The following SLC35D4 variants were observed in gnomAD, a reference collection of about 807,000 sequenced individuals.
SLC35D4 encodes the protein solute carrier family 35 member D4.
chr18:23,392,270 T>TA, the SLC35D4 span, among the ~76,000 whole-genome samples: 1 of 152,194 alleles, frequency 6.6e-6, no homozygotes, highest in Non-Finnish European at 1.5e-5. Context: ...ATTCTCTTCA[T>TA]AAGAGTGTTT....
the SLC35D4 span, chr18:23,377,621 T>C: frequency 6.4e-7 from 1 of 1,572,150 alleles, no homozygotes; most frequent in Non-Finnish European, 8.6e-7. Flanking sequence ...ATTATGGCTT[T>C]TTGGGGGGAG....
At chr18:23,246,557 A>T in the SLC35D4 span, among the ~76,000 whole-genome samples, 1 of 151,674 alleles carries the variant, frequency 6.6e-6, no homozygotes, top group African/African-American at 2.4e-5. Context: ...ACACCCGGCT[A>T]ATTTTTTGTG....
At chr18:23,380,480 CT>C in the SLC35D4 span, among the ~76,000 whole-genome samples, 1 of 152,142 alleles carries the variant, frequency 6.6e-6, no homozygotes, top group Admixed American at 6.5e-5. Flanking sequence ...ACCAGGGAAG[CT>C]TTCCTTGCTC....
the SLC35D4 span, among the ~76,000 whole-genome samples, chr18:23,402,079 A>G: frequency 6.6e-6 from 1 of 152,080 alleles, no homozygotes; most frequent in Non-Finnish European, 1.5e-5. Flanking sequence ...AGCAACACAC[A>G]CTCATGGCAC....
At chr18:23,255,809 C>T in the SLC35D4 span, among the ~76,000 whole-genome samples, 1 of 152,128 alleles carries the variant, frequency 6.6e-6, no homozygotes, top group Non-Finnish European at 1.5e-5. Flanking sequence ...TATCCTTTCA[C>T]CTCAACCTCC....
At chr18:23,412,596 C>T in the SLC35D4 span, among the ~76,000 whole-genome samples, 1 of 152,120 alleles carries the variant, frequency 6.6e-6, no homozygotes, top group South Asian at 2.1e-4. Flanking sequence ...TTCCTCCTGA[C>T]TCAGAGAGGA....
the SLC35D4 span, among the ~76,000 whole-genome samples, chr18:23,276,249 G>A: frequency 9.2e-5 from 14 of 151,980 alleles, no homozygotes; most frequent in South Asian, 4.2e-4. Context: ...CAAAACGTCC[G>A]GCTAATTTTT....
At chr18:23,407,742 G>A in the SLC35D4 span, among the ~76,000 whole-genome samples, 1 of 152,074 alleles carries the variant, frequency 6.6e-6, no homozygotes, top group African/African-American at 2.4e-5. Flanking sequence ...CCAATAGAGG[G>A]GATAATGAAA....
At chr18:23,393,597 A>C in the SLC35D4 span, among the ~76,000 whole-genome samples, 1 of 152,154 alleles carries the variant, frequency 6.6e-6, no homozygotes, top group African/African-American at 2.4e-5. Context: ...TTAAGGCTGA[A>C]TAATATTCCA....
the SLC35D4 span, among the ~76,000 whole-genome samples, chr18:23,318,907 G>A: frequency 2.6e-5 from 4 of 151,930 alleles, no homozygotes; most frequent in African/African-American, 7.3e-5. Flanking sequence ...ACTGTAGCAC[G>A]ATCTTGGCTC....
At chr18:23,267,439 C>T in the SLC35D4 span, among the ~76,000 whole-genome samples, 2 of 152,082 alleles carry the variant, frequency 1.3e-5, no homozygotes, top group African/African-American at 2.4e-5. Context: ...TGGTGGCTCT[C>T]TAGGTTGTTC....
At chr18:23,309,732 C>T in the SLC35D4 span, 1 of 1,614,028 alleles carries the variant, frequency 6.2e-7, no homozygotes, top group African/African-American at 1.3e-5. Flanking sequence ...ATTGATAAGC[C>T]AGCTGTGATT....
the SLC35D4 span, among the ~76,000 whole-genome samples, chr18:23,389,119 A>G: frequency 6.6e-6 from 1 of 150,680 alleles, no homozygotes; most frequent in Non-Finnish European, 1.5e-5. Flanking sequence ...CCTCCTGAGT[A>G]GCTGGGACTA....
the SLC35D4 span, chr18:23,368,689 C>G: frequency 7.8e-7 from 1 of 1,290,206 alleles, no homozygotes; most frequent in Non-Finnish European, 1.1e-6. Context: ...ATGAATTGTT[C>G]TTTAAAAATG....
chr18:23,406,862 G>A, the SLC35D4 span, among the ~76,000 whole-genome samples: 1 of 152,182 alleles, frequency 6.6e-6, no homozygotes, highest in Admixed American at 6.5e-5. Flanking sequence ...CTGGAGTGCA[G>A]TGTGCCATCA....
At chr18:23,352,187 G>T in the SLC35D4 span, 9 of 1,600,098 alleles carry the variant, frequency 5.6e-6, no homozygotes, top group Admixed American at 1.8e-5. Flanking sequence ...CACCCCTCTT[G>T]TCTCTTACCT....
At chr18:23,282,826 C>T in the SLC35D4 span, among the ~76,000 whole-genome samples, 20 of 152,166 alleles carry the variant, frequency 1.3e-4, no homozygotes, top group East Asian at 2.7e-3. Flanking sequence ...GTCAGGGGCT[C>T]GCAGGCCTCA....
the SLC35D4 span, among the ~76,000 whole-genome samples, chr18:23,429,198 G>A: frequency 1.3e-5 from 2 of 152,102 alleles, no homozygotes; most frequent in African/African-American, 2.4e-5. Context: ...TATTTTCCTC[G>A]AGTATATACC....
the SLC35D4 span, among the ~76,000 whole-genome samples, chr18:23,304,361 T>TTA: frequency 0.1 from 14,972 of 145,992 alleles, 832 homozygotes; most frequent in Middle Eastern, 0.17. Flanking sequence ...TCTCAAGAAT[T>TTA]TATATATATA....
Sources: gnomAD v4.1 joint callset for allele counts (sites outside exome capture counted in the v4.1 genomes callset) on GRCh38, gnomAD v4.1.1 for gene constraint, MANE v1.5 for transcripts, NCBI Gene and HGNC (gene_info 2026-07-23, HGNC 2026-07-21) for gene names.